KIAA0825: variants seen among roughly 807,000 people sequenced by gnomAD.
The protein encoded by KIAA0825 is KIAA0825.
In KIAA0825, 119 loss-of-function variants were observed where a neutral mutation model predicts 147.6. The ratio of observed to expected loss-of-function variants is 0.81; its 90% CI spans 0.69 to 0.94. KIAA0825 has a LOEUF of 0.94. Ranked by LOEUF, KIAA0825 falls within the 40% of genes least tolerant of loss-of-function variation. KIAA0825 has a pLI of 0.00. For synonymous variants in KIAA0825, 470 were observed against 518.1 expected (o/e 0.91, Z 1.26); for missense variants, 1,381 against 1,472.7 (o/e 0.94, Z 1.02).
intron 20 of KIAA0825, among the ~76,000 whole-genome samples, chr5:94,182,856 TG>T (rs1016942465): frequency 6.6e-6 from 1 of 152,202 alleles, no homozygotes; most frequent in Non-Finnish European, 1.5e-5. Flanking sequence ...TTGGTGATTC[TG>T]CTCAGCAAAT....
intron 5 of KIAA0825, among the ~76,000 whole-genome samples, chr5:94,512,832 G>T (rs1376360587): frequency 6.6e-6 from 1 of 152,132 alleles, no homozygotes; most frequent in Non-Finnish European, 1.5e-5. Flanking sequence ...GGAGGCGAAG[G>T]TTGCAGTGAG....
intron 14 of KIAA0825, among the ~76,000 whole-genome samples, chr5:94,433,325 C>T (rs938444551): frequency 8.5e-5 from 13 of 152,176 alleles, no homozygotes; most frequent in African/African-American, 3.1e-4. Context: ...CCGTGCCCGG[C>T]GATTCATTCA....
chr5:94,472,468 G>A (rs1381612052), intron 8 of KIAA0825, among the ~76,000 whole-genome samples: 1 of 152,188 alleles, frequency 6.6e-6, no homozygotes, highest in Non-Finnish European at 1.5e-5. Context: ...CCAATCGGCC[G>A]GGCGCGGTGG....
chr5:94,435,895 A>G (rs944442380), intron 14 of KIAA0825, among the ~76,000 whole-genome samples: 7 of 151,858 alleles, frequency 4.6e-5, no homozygotes, highest in Non-Finnish European at 7.4e-5. Context: ...TTTTTTTTTC[A>G]TATAACTGTT....
At chr5:94,502,359 T>C (rs562286720) in intron 5 of KIAA0825, among the ~76,000 whole-genome samples, 8 of 152,312 alleles carry the variant, frequency 5.3e-5, no homozygotes, top group Admixed American at 2.6e-4. Context: ...AACATCTATA[T>C]TATAGAATAT....
chr5:94,365,529 G>A (rs1745721726), intron 20 of KIAA0825, among the ~76,000 whole-genome samples: 1 of 152,144 alleles, frequency 6.6e-6, no homozygotes, highest in African/African-American at 2.4e-5. Context: ...TTGAAAAAAT[G>A]CCAAGTACTA....
chr5:94,237,528 T>C (rs2150097889), intron 20 of KIAA0825, among the ~76,000 whole-genome samples: 1 of 152,322 alleles, frequency 6.6e-6, no homozygotes, highest in African/African-American at 2.4e-5. Context: ...CGCCAAGATA[T>C]TCTTACCACT....
chr5:94,547,736 C>CAAAAAAA lies in KIAA0825; in HGVS notation c.-1-10616_-1-10610dup, dbSNP rs144612994. On this transcript the variant is annotated intron_variant, in intron 2 of 20. Coordinates refer to ENST00000682413, the MANE Select transcript of KIAA0825 (RefSeq NM_001145678.3). ...TGCACGACAGGGTAAGACTCCCTTT[C>CAAAAAAA]AAAAAAAAAAAGAATCGTAAAAGCA... 3.9e-3 allele frequency among the ~76,000 whole-genome samples: 502 copies of CAAAAAAA among 127,660 alleles called. 8 individuals are homozygous for CAAAAAAA. The highest frequency in any genetic ancestry group is 0.015 in the African/African-American group (472 of 30,608). The allele number at this position is 127,660 out of a possible 152,430, so 83.7% of individuals were successfully genotyped here.
chr5:94,595,578 T>C (rs1464119942), intron 1 of KIAA0825, among the ~76,000 whole-genome samples: 2 of 152,196 alleles, frequency 1.3e-5, no homozygotes, highest in Non-Finnish European at 2.9e-5. Flanking sequence ...ATTTCCCCAT[T>C]ATCTTGTCGA....
intron 1 of KIAA0825, chr5:94,617,784 C>G (rs1790962231): frequency 6.6e-6 from 1 of 152,340 alleles, no homozygotes; most frequent in Admixed American, 6.5e-5. Context: ...CTCTTTACAA[C>G]TATTCTGGCT....
intron 15 of KIAA0825, among the ~76,000 whole-genome samples, chr5:94,411,929 A>T (rs1752819700): frequency 6.7e-6 from 1 of 149,340 alleles, no homozygotes; most frequent in Non-Finnish European, 1.5e-5. Flanking sequence ...CCTGGGCAAC[A>T]GTGTGAGACT....
At chr5:94,367,038 T>C (rs946348853) in intron 20 of KIAA0825, among the ~76,000 whole-genome samples, 4 of 152,178 alleles carry the variant, frequency 2.6e-5, no homozygotes, top group African/African-American at 7.2e-5. Flanking sequence ...CACTTTTAAA[T>C]AAGGAAGAGG....
intron 20 of KIAA0825, among the ~76,000 whole-genome samples, chr5:94,186,511 GTTAT>G (rs1318141256): frequency 6.6e-6 from 1 of 152,168 alleles, no homozygotes; most frequent in Admixed American, 6.5e-5. Context: ...GCTTAATTAG[GTTAT>G]TTATGATGTA....
intron 20 of KIAA0825, among the ~76,000 whole-genome samples, chr5:94,170,700 AG>A (rs1267488125): frequency 2.0e-5 from 3 of 152,216 alleles, no homozygotes; most frequent in Non-Finnish European, 4.4e-5. Flanking sequence ...CTTCATTCAA[AG>A]CTTACAAAAC....
chr5:94,247,780 T>G (rs1017583912), intron 20 of KIAA0825, among the ~76,000 whole-genome samples: 1 of 152,150 alleles, frequency 6.6e-6, no homozygotes. Context: ...TTGGAGGTCC[T>G]TTTTAGCATG....
chr5:94,187,997 T>C (rs1385938316), intron 20 of KIAA0825, among the ~76,000 whole-genome samples: 1 of 152,132 alleles, frequency 6.6e-6, no homozygotes, highest in African/African-American at 2.4e-5. Context: ...CACAAAAGTA[T>C]TGCTCTCATG....
intron 20 of KIAA0825, among the ~76,000 whole-genome samples, chr5:94,357,014 C>A (rs1378770970): frequency 6.6e-6 from 1 of 151,998 alleles, no homozygotes; most frequent in Non-Finnish European, 1.5e-5. Flanking sequence ...TGAGCCACTG[C>A]GCCCAGCTGT....
intron 13 of KIAA0825, among the ~76,000 whole-genome samples, chr5:94,449,627 C>G (rs2150893172): frequency 6.6e-6 from 1 of 152,038 alleles, no homozygotes; most frequent in Admixed American, 6.6e-5. Context: ...AGTGGGTATT[C>G]AAGAAATAAC....
chr5:94,333,947 C>T (rs568189454), intron 20 of KIAA0825, among the ~76,000 whole-genome samples: 41 of 152,100 alleles, frequency 2.7e-4, no homozygotes, highest in Middle Eastern at 3.4e-3. Flanking sequence ...CAAGGAAATA[C>T]GAGAGGACAC....
Sources: allele counts gnomAD v4.1 joint callset (sites outside exome capture counted in the v4.1 genomes callset), GRCh38; gene constraint gnomAD v4.1.1; transcripts MANE v1.5; gene names NCBI Gene and HGNC (gene_info 2026-07-23, HGNC 2026-07-21).